The following MPP7 variants were observed in gnomAD, a reference collection of about 807,000 sequenced individuals.
MPP7 encodes MAGUK p55 subfamily member 7.
In MPP7, 60 loss-of-function variants were observed where a neutral mutation model predicts 76.5. That is an observed-to-expected ratio of 0.78 (90% CI 0.64 to 0.97). The LOEUF (loss-of-function observed/expected upper bound fraction) is 0.97, where lower values mean the gene tolerates loss of function less well. Ranked by LOEUF, MPP7 falls within the 50% of genes least tolerant of loss-of-function variation. The probability of loss-of-function intolerance (pLI) is 0.00; values close to 1 mark genes in which losing one functional copy is unlikely to be tolerated. For missense variants in MPP7, 641 were observed against 694.0 expected (o/e 0.92, Z 0.86); for synonymous variants, 237 against 244.5 (o/e 0.97, Z 0.29).
At chr10:28,137,390 C>T (rs552935335) in intron 5 of MPP7, among the ~76,000 whole-genome samples, 1 of 152,134 alleles carries the variant, frequency 6.6e-6, no homozygotes, top group Non-Finnish European at 1.5e-5. Flanking sequence ...TGGGTCCATA[C>T]AGAGGAATAA....
chr10:28,281,206 A>G (rs1273068373), intron 1 of MPP7, among the ~76,000 whole-genome samples: 9 of 151,846 alleles, frequency 5.9e-5, no homozygotes, highest in Admixed American at 5.9e-4. Flanking sequence ...CAGACCCCCA[A>G]GTAGCTGGGA....
rs984967166 is a variant in MPP7 at position 28,114,281 on chromosome 10, G to A, written c.952+5370C>T. On this transcript the variant is annotated intron_variant, in intron 11 of 16. Coordinates refer to ENST00000683449, the MANE Select transcript of MPP7 (RefSeq NM_001318170.2). Reference sequence around the variant, plus strand: ...TTAAAAATTAGCTGGGGGTGGTGGCGCATGCCTGTAGTCCCAGCTACTCAG... The same window carrying A: ...TTAAAAATTAGCTGGGGGTGGTGGCACATGCCTGTAGTCCCAGCTACTCAG... Among the ~76,000 whole-genome samples, 6 of 152,056 alleles carry A rather than the reference G, an allele frequency of 3.9e-5. No individual in the cohort carries two copies. The East Asian group carries it at 5.8e-4, about 15-fold the overall frequency.
intron 5 of MPP7, among the ~76,000 whole-genome samples, chr10:28,137,516 T>C (rs1835387034): frequency 6.6e-6 from 1 of 152,240 alleles, no homozygotes; most frequent in Non-Finnish European, 1.5e-5. Flanking sequence ...TGACAGGCAA[T>C]ATTAAGAACA....
At chr10:28,283,142 C>CT (rs1230222300) in intron 1 of MPP7, among the ~76,000 whole-genome samples, 1 of 151,866 alleles carries the variant, frequency 6.6e-6, no homozygotes, top group Non-Finnish European at 1.5e-5. Flanking sequence ...GAAACTTGTG[C>CT]TTATCCAAAT....
chr10:28,212,077 C>T (rs757624858), intron 2 of MPP7, among the ~76,000 whole-genome samples: 1 of 151,872 alleles, frequency 6.6e-6, no homozygotes, highest in Non-Finnish European at 1.5e-5. Flanking sequence ...TGCACCACTG[C>T]TCTCTGGCCT....
chr10:28,214,847 A>G (rs1207892708), intron 2 of MPP7, among the ~76,000 whole-genome samples: 2 of 152,124 alleles, frequency 1.3e-5, no homozygotes, highest in African/African-American at 4.8e-5. Context: ...TAGCTACAAG[A>G]TTAGAAAGTA....
intron 1 of MPP7, among the ~76,000 whole-genome samples, chr10:28,285,024 C>G (rs1840761107): frequency 6.6e-6 from 1 of 152,100 alleles, no homozygotes; most frequent in Admixed American, 6.5e-5. Flanking sequence ...CTTCTAAAAA[C>G]CAGACAATTT....
intron 8 of MPP7, 30 bp from the exon 9 acceptor site, chr10:28,120,698 G>A (rs772287417): frequency 6.4e-7 from 1 of 1,571,402 alleles, no homozygotes; most frequent in Non-Finnish European, 8.7e-7. Flanking sequence ...GGAGTTATAA[G>A]AAAACCAGAC....
rs367547011 is a variant in MPP7, at chr10:28,135,888, C to T, written c.316-4197G>A. On this transcript the variant is annotated intron_variant, in intron 5 of 16. Coordinates refer to ENST00000683449, the MANE Select transcript of MPP7 (RefSeq NM_001318170.2). ...TTCAACCCCAGGCCACAGACCAGTA[C>T]CCGCTTATGACCTGTTAGGAACCAG... 3.0e-4 allele frequency among the ~76,000 whole-genome samples: 45 copies of T among 152,256 alleles called. No individual in the cohort carries two copies. The South Asian group carries it at 9.1e-3, about 31-fold the overall frequency.
intron 2 of MPP7, among the ~76,000 whole-genome samples, chr10:28,322,786 T>C (rs1834379465): frequency 6.6e-6 from 1 of 152,170 alleles, no homozygotes; most frequent in African/African-American, 2.4e-5. Flanking sequence ...GTTAATATGA[T>C]TTTATTTGTG....
At chr10:28,118,324 A>G (rs1436271465) in intron 11 of MPP7, 8 of 978,224 alleles carry the variant, frequency 8.2e-6, no homozygotes, top group Non-Finnish European at 9.7e-6. Context: ...ATTTTCAATC[A>G]ATGAAAATTT....
intron 1 of MPP7, among the ~76,000 whole-genome samples, chr10:28,270,802 AAG>A (rs1373405378): frequency 6.6e-6 from 1 of 152,156 alleles, no homozygotes; most frequent in Non-Finnish European, 1.5e-5. Context: ...GCTGTTTTTG[AAG>A]AGTCTTGAAG....
chr10:28,247,198 T>C (rs1397236900), intron 1 of MPP7, among the ~76,000 whole-genome samples: 1 of 152,188 alleles, frequency 6.6e-6, no homozygotes, highest in East Asian at 1.9e-4. Flanking sequence ...ACTAGAAACA[T>C]CTGTAATAAA....
intron 11 of MPP7, among the ~76,000 whole-genome samples, chr10:28,115,558 A>T (rs568874666): frequency 7.4e-4 from 112 of 152,378 alleles, no homozygotes; most frequent in African/African-American, 2.5e-3. Context: ...TGAAAACAAC[A>T]AATAAAATTA....
chr10:28,332,083 G>T (rs777244486), intron 1 of MPP7, among the ~76,000 whole-genome samples: 2 of 152,092 alleles, frequency 1.3e-5, no homozygotes, highest in Non-Finnish European at 2.9e-5. Flanking sequence ...TACTGGTGTG[G>T]GTTATTCCTT....
chr10:28,131,547 C>A lies in MPP7; in HGVS notation c.447+13G>T. ...ATCATGGTATCTACTCATATCTGAG[C>A]ACCAAAACTCACCAGTGGTTCTCTA... On this transcript the variant is annotated intron_variant, in intron 6 of 16. Transcript: ENST00000683449. 6.4e-7 allele frequency: 1 copy of A among 1,571,550 alleles called. No individual in the cohort carries two copies. The highest frequency in any genetic ancestry group is 8.7e-7 in the Non-Finnish European group (1 of 1,154,462).
chr10:28,069,986 G>T, intron 12 of MPP7, 134 bp from the exon 13 acceptor site: 3 of 637,238 alleles, frequency 4.7e-6, no homozygotes, highest in Non-Finnish European at 8.4e-6. Context: ...ATTATTTTCT[G>T]TTAACTTGAA....
At chr10:28,181,143 A>G (rs1837044964) in intron 3 of MPP7, among the ~76,000 whole-genome samples, 1 of 152,246 alleles carries the variant, frequency 6.6e-6, no homozygotes, top group Non-Finnish European at 1.5e-5. Context: ...AATGTCTTAT[A>G]GAATTATAAT....
At chr10:28,090,735 T>C (rs895995554) in intron 11 of MPP7, among the ~76,000 whole-genome samples, 13 of 152,202 alleles carry the variant, frequency 8.5e-5, no homozygotes, top group Non-Finnish European at 1.8e-4. Context: ...AATTAGTTGA[T>C]CTTCAGCAAG....
Sources: allele counts gnomAD v4.1 joint callset (sites outside exome capture counted in the v4.1 genomes callset), GRCh38; gene constraint gnomAD v4.1.1; transcripts MANE v1.5; gene names NCBI Gene and HGNC (gene_info 2026-07-23, HGNC 2026-07-21).